Variants in KPNA6 observed in about 807,000 individuals in gnomAD.
KPNA6 encodes importin subunit alpha-7.
Under a neutral mutation model 72.0 loss-of-function variants are expected in KPNA6, and 9 were observed. The ratio of observed to expected loss-of-function variants is 0.13; its 90% CI spans 0.08 to 0.22. The LOEUF (loss-of-function observed/expected upper bound fraction) is 0.22. Among genes scored for constraint, KPNA6 ranks in the 10% least tolerant of loss-of-function variants. The probability of loss-of-function intolerance (pLI) is 1.00; values close to 1 mark genes in which losing one functional copy is unlikely to be tolerated. For synonymous variants in KPNA6, 219 were observed against 242.1 expected (o/e 0.90, Z 0.89); for missense variants, 374 against 655.7 (o/e 0.57, Z 4.69).
chr1:32,155,140 T>G (rs1184754776), intron 2 of KPNA6, among the ~76,000 whole-genome samples: 1 of 142,892 alleles, frequency 7.0e-6, no homozygotes, highest in African/African-American at 2.6e-5. Flanking sequence ...AAAAGAAAAG[T>G]AGCTTACTTA....
At chr1:32,135,160 C>T (rs1385626722) in intron 1 of KPNA6, among the ~76,000 whole-genome samples, 2 of 152,122 alleles carry the variant, frequency 1.3e-5, no homozygotes, top group South Asian at 2.1e-4. Context: ...CTCCACCTCG[C>T]GGGTTCAAGT....
intron 1 of KPNA6, among the ~76,000 whole-genome samples, chr1:32,126,677 A>C (rs192621850): frequency 6.6e-6 from 1 of 152,098 alleles, no homozygotes; most frequent in Non-Finnish European, 1.5e-5. Flanking sequence ...GAGTCACTGC[A>C]TCTGAACAGT....
At chr1:32,162,088 C>T (rs1282662851) in intron 8 of KPNA6, 42 bp downstream of exon 8, 5 of 1,482,344 alleles carry the variant, frequency 3.4e-6, no homozygotes, top group Non-Finnish European at 4.7e-6. Flanking sequence ...CATCAGGTTC[C>T]TTCATATGGA....
chr1:32,132,056 C>T (rs781768686), intron 1 of KPNA6, among the ~76,000 whole-genome samples: 95 of 151,466 alleles, frequency 6.3e-4, no homozygotes, highest in Non-Finnish European at 1.1e-3. Context: ...CTGCAACCTC[C>T]GCTTTCCAGG....
intron 5 of KPNA6, 91 bp from the exon 6 acceptor site, chr1:32,159,309 T>C: frequency 4.4e-6 from 6 of 1,375,898 alleles, no homozygotes; most frequent in Non-Finnish European, 6.0e-6. Context: ...TTTAAATTCA[T>C]GGGCAGGAGG....
intron 3 of KPNA6, 38 bp from the exon 4 acceptor site, chr1:32,157,308 G>T (rs1052713114): frequency 1.3e-6 from 2 of 1,519,634 alleles, no homozygotes; most frequent in Middle Eastern, 1.7e-4. Flanking sequence ...TGGCTCTAAT[G>T]TTGGTTTGCA....
At chr1:32,134,585 C>T (rs976452275) in intron 1 of KPNA6, among the ~76,000 whole-genome samples, 41 of 151,070 alleles carry the variant, frequency 2.7e-4, no homozygotes, top group Non-Finnish European at 5.0e-4. Flanking sequence ...CTGCAGTGAG[C>T]TGAGACCATG....
At chr1:32,167,862 A>C (rs566307079) in intron 12 of KPNA6, among the ~76,000 whole-genome samples, 5 of 148,610 alleles carry the variant, frequency 3.4e-5, no homozygotes, top group African/African-American at 7.8e-5. Context: ...ACAAAAAAAA[A>C]AAAAAACAAA....
At position 32,170,687 on chromosome 1, in the gene KPNA6, C is replaced by T. The variant is rs1642420364; in HGVS notation, c.1424-20C>T. ...AGAAAAGCACTCACACTTCCCTCTC[C>T]TTCCTTCTTACTACTGTAGGCTTGG... On this transcript the variant is annotated intron_variant, in intron 13 of 13. Coordinates refer to ENST00000373625, the MANE Select transcript of KPNA6 (RefSeq NM_012316.5). 4 of 1,605,802 alleles carry T rather than the reference C, an allele frequency of 2.5e-6. No homozygotes were observed. In the African/African-American group the frequency reaches 4.0e-5, roughly 16 times the overall value.
intron 1 of KPNA6, among the ~76,000 whole-genome samples, chr1:32,148,723 T>G (rs982199355): frequency 3.3e-5 from 5 of 151,802 alleles, no homozygotes; most frequent in African/African-American, 1.2e-4. Context: ...CGCCTGGGTA[T>G]GTTTTTTGTA....
At chr1:32,124,677 T>C (rs568216161) in intron 1 of KPNA6, among the ~76,000 whole-genome samples, 1 of 151,254 alleles carries the variant, frequency 6.6e-6, no homozygotes, top group Non-Finnish European at 1.5e-5. Flanking sequence ...TGGCTAATTA[T>C]TTGTATTTTA....
At position 32,108,066 on chromosome 1, in the gene KPNA6, C is replaced by G. The variant is rs1474630928; in HGVS notation, c.-65C>G. On this transcript the variant is annotated 5_prime_UTR_variant, in exon 1 of 14. Transcript: ENST00000373625. Reference sequence around the variant, plus strand: ...TCCTACAGATCCGCCATATTGTCTACTGAAAGCTGCCGCTGAAGCTGCCGC... The same window carrying G: ...TCCTACAGATCCGCCATATTGTCTAGTGAAAGCTGCCGCTGAAGCTGCCGC... 3.7e-6 allele frequency: 6 copies of G among 1,612,854 alleles called. No individual in the cohort carries two copies. The highest frequency in any genetic ancestry group is 3.3e-5 in the South Asian group (3 of 91,030).
Position 32,175,534 on chromosome 1 carries a change from C to G in KPNA6, c.*4640C>G, listed in dbSNP as rs776576974. On this transcript the variant is annotated 3_prime_UTR_variant, in exon 14 of 14. Coordinates refer to ENST00000373625, the MANE Select transcript of KPNA6 (RefSeq NM_012316.5). ...GCGCGGTGGCACATGCCTGTAATCCCAGCACTTTGGGAGGCCGAGGCGGGT... is the reference window on the plus strand; with the variant it reads ...GCGCGGTGGCACATGCCTGTAATCCGAGCACTTTGGGAGGCCGAGGCGGGT... The G allele has an allele frequency of 6.7e-6, 1 of 149,846 alleles. No homozygotes were observed. The highest frequency in any genetic ancestry group is 1.5e-5 in the Non-Finnish European group (1 of 67,506). The allele number at this position is 149,846 out of a possible 1,614,324, so 9.3% of individuals were successfully genotyped here.
chr1:32,134,603 A>T (rs1462939879), intron 1 of KPNA6, among the ~76,000 whole-genome samples: 4 of 151,554 alleles, frequency 2.6e-5, no homozygotes, highest in Non-Finnish European at 4.4e-5. Flanking sequence ...ATGCCACTGC[A>T]CTCAAACCTG....
intron 1 of KPNA6, among the ~76,000 whole-genome samples, chr1:32,126,947 A>C (rs1641547873): frequency 1.3e-5 from 2 of 152,136 alleles, no homozygotes; most frequent in African/African-American, 4.8e-5. Flanking sequence ...TTTGACCGTA[A>C]CTTCCTGAAA....
intron 7 of KPNA6, 31 bp downstream of exon 7, chr1:32,160,734 G>A (rs562328248): frequency 1.1e-5 from 17 of 1,551,000 alleles, no homozygotes; most frequent in East Asian, 2.2e-5. Context: ...GTACCTGGGC[G>A]TCTACTGGGT....
intron 1 of KPNA6, among the ~76,000 whole-genome samples, chr1:32,119,676 G>A (rs1641396286): frequency 6.6e-6 from 1 of 151,964 alleles, no homozygotes. Flanking sequence ...GGGGAAATGT[G>A]GTTCTAGTGT....
chr1:32,170,985 A>G lies in KPNA6; in HGVS notation c.*91A>G, dbSNP rs1044566689. ...TGGGCGGGAAACCAGTGTCCCCACCATCAGCCACCACACACCTCTGCTGCC... is the reference window on the plus strand; with the variant it reads ...TGGGCGGGAAACCAGTGTCCCCACCGTCAGCCACCACACACCTCTGCTGCC... On this transcript the variant is annotated 3_prime_UTR_variant, in exon 14 of 14. Transcript: ENST00000373625. 2.7e-6 allele frequency: 3 copies of G among 1,129,278 alleles called. 1 individual carries two copies. Among genetic ancestry groups the G allele is most frequent in the Non-Finnish European group, 1.3e-6 (1 of 765,960 alleles). 70.0% of individuals were successfully genotyped at this position (1,129,278 alleles called of 1,614,324 possible).
At chr1:32,136,161 T>C (rs1475041096) in intron 1 of KPNA6, among the ~76,000 whole-genome samples, 3 of 151,532 alleles carry the variant, frequency 2.0e-5, no homozygotes, top group Non-Finnish European at 4.4e-5. Context: ...GTATATAAAA[T>C]CCACATTTCT....
Sources: allele counts gnomAD v4.1 joint callset (sites outside exome capture counted in the v4.1 genomes callset), GRCh38; gene constraint gnomAD v4.1.1; transcripts MANE v1.5; gene names NCBI Gene and HGNC (gene_info 2026-07-23, HGNC 2026-07-21).